Variants in PSMA5 observed in about 807,000 individuals in gnomAD.
PSMA5 encodes the protein proteasome subunit alpha type-5.
PSMA5 carries 3 observed loss-of-function variants against 34.5 expected under a neutral mutation model. The observed-to-expected ratio is 0.09, with a 90% CI of 0.04 to 0.22. The LOEUF (loss-of-function observed/expected upper bound fraction) is 0.22. PSMA5 is among the 10% of genes least tolerant of loss of function. PSMA5 has a pLI of 1.00. For missense variants in PSMA5, 120 were observed against 286.1 expected (o/e 0.42, Z 4.19); for synonymous variants, 88 against 95.8 (o/e 0.92, Z 0.47).
chr1:109,416,685 T>C (rs544085045), intron 2 of PSMA5, among the ~76,000 whole-genome samples: 2 of 152,364 alleles, frequency 1.3e-5, no homozygotes, highest in South Asian at 4.1e-4. Context: ...TTTTCAAATG[T>C]GTTGAGTTGT....
intron 2 of PSMA5, among the ~76,000 whole-genome samples, chr1:109,420,202 TA>T (rs1024605805): frequency 1.3e-5 from 2 of 152,014 alleles, no homozygotes; most frequent in African/African-American, 4.8e-5. Flanking sequence ...TTAGTTATAC[TA>T]ATGTAACTAT....
In PSMA5 at chr1:109,412,253, G is replaced by A. The variant is rs575529698; in HGVS notation, c.292-69C>T. ...TTAAAGCAGCCCACCATCTCACTAC[G>A]CACATCCCTTTAAACTGGGATTGAA... On this transcript the variant is annotated intron_variant, in intron 4 of 8. Coordinates refer to ENST00000271308, the MANE Select transcript of PSMA5 (RefSeq NM_002790.4). The A allele has an allele frequency of 3.8e-5, 48 of 1,268,496 alleles. 1 individual carries two copies. The South Asian group carries it at 3.8e-4, about 10-fold the overall frequency. 78.6% of individuals were successfully genotyped at this position (1,268,496 alleles called of 1,614,324 possible).
At chr1:109,421,697 G>C (rs1003106908) in intron 2 of PSMA5, among the ~76,000 whole-genome samples, 163 bp downstream of exon 2, 1 of 152,026 alleles carries the variant, frequency 6.6e-6, no homozygotes, top group African/African-American at 2.4e-5. Flanking sequence ...TAGATATTAG[G>C]AATAGGATTG....
rs1265806012 is a variant in PSMA5 at position 109,402,058 on chromosome 1, G to A, written c.681C>T (p.His227=). 1 of 1,612,932 alleles carries A rather than the reference G, an allele frequency of 6.2e-7. No individual in the cohort carries two copies. The highest frequency in any genetic ancestry group is 8.5e-7 in the Non-Finnish European group (1 of 1,179,454). The change falls in exon 9 of 9, where the codon CAC becomes CAT. Residue 227 remains histidine (H), a synonymous_variant. Coordinates refer to ENST00000271308, the MANE Select transcript of PSMA5 (RefSeq NM_002790.4). ...CTTCAAGTTCTTCCTTTGTGAACATGTGGAAATTCTGGCCAGGCTGCACTG... is the reference window on the plus strand; with the variant it reads ...CTTCAAGTTCTTCCTTTGTGAACATATGGAAATTCTGGCCAGGCTGCACTG... ...LATVQPGQNF[H]MFTKEELEEV...
At chr1:109,421,231 C>A (rs1179987969) in intron 2 of PSMA5, among the ~76,000 whole-genome samples, 4 of 152,034 alleles carry the variant, frequency 2.6e-5, no homozygotes, top group Admixed American at 2.6e-4. Context: ...CCTAAGGTGA[C>A]TTTACCAACA....
intron 2 of PSMA5, among the ~76,000 whole-genome samples, chr1:109,416,411 G>C (rs1352026512): frequency 6.6e-6 from 1 of 152,188 alleles, no homozygotes; most frequent in African/African-American, 2.4e-5. Flanking sequence ...CTCAAGCCAC[G>C]TTATCTCCTA....
intron 8 of PSMA5, among the ~76,000 whole-genome samples, chr1:109,402,516 C>CT (rs1653574150): frequency 6.6e-6 from 1 of 152,142 alleles, no homozygotes; most frequent in African/African-American, 2.4e-5. Flanking sequence ...CTCTGTGCCT[C>CT]TATTTCTTCA....
intron 8 of PSMA5, 113 bp from the exon 9 acceptor site, chr1:109,402,203 A>G: frequency 1.5e-6 from 1 of 680,052 alleles, no homozygotes; most frequent in South Asian, 2.1e-5. Context: ...GAACTAAGGG[A>G]TCTGCTGTCC....
At chr1:109,418,286 A>C (rs1654295189) in intron 2 of PSMA5, among the ~76,000 whole-genome samples, 1 of 152,092 alleles carries the variant, frequency 6.6e-6, no homozygotes, top group Admixed American at 6.6e-5. Context: ...CAGTTTGAAA[A>C]ACATAGCTCT....
At position 109,415,304 on chromosome 1, in the gene PSMA5, C is replaced by T. The variant is rs1045138691; in HGVS notation, c.156G>A (p.Lys52=). 6 of 1,613,968 alleles carry T rather than the reference C, an allele frequency of 3.7e-6. No homozygotes were observed. The African/African-American group carries it at 6.7e-5, about 18-fold the overall frequency. Residue 52 remains lysine, a synonymous_variant, in exon 3 of 9, where the codon AAG becomes AAA. Transcript: ENST00000271308. ...TSEGVCLAVE[K]RITSPLMEPS... ...GCTCCATCAGTGGGGAAGTAATTCT[C>T]TTCTCCACAGCTAGGCACACACCCT...
intron 5 of PSMA5, 39 bp downstream of exon 5, chr1:109,412,038 T>C (rs71656001): frequency 6.8e-5 from 108 of 1,595,682 alleles, no homozygotes; most frequent in East Asian, 2.0e-4. Flanking sequence ...CTAAGTCCCA[T>C]AGAACAATAA....
Position 109,399,969 on chromosome 1 carries a change from GCAATTA to G in PSMA5, c.*2038_*2043del, listed in dbSNP as rs1653436827. 6.6e-6 allele frequency: 1 copy of G among 152,194 alleles called. No homozygotes were observed. The highest frequency in any genetic ancestry group is 2.4e-5 in the African/African-American group (1 of 41,528). The allele number at this position is 152,194 out of a possible 1,614,324, so 9.4% of individuals were successfully genotyped here. On this transcript the variant is annotated 3_prime_UTR_variant, in exon 9 of 9. Coordinates refer to ENST00000271308, the MANE Select transcript of PSMA5 (RefSeq NM_002790.4). ...TTCTATAGCAGAAAGATAACATAAAGCAATTACACATCATGAAACCATTGCTGTTCG... is the reference window on the plus strand; with the variant it reads ...TTCTATAGCAGAAAGATAACATAAAGCACATCATGAAACCATTGCTGTTCG...
intron 2 of PSMA5, among the ~76,000 whole-genome samples, chr1:109,420,405 A>C (rs1307314440): frequency 3.3e-5 from 5 of 152,178 alleles, no homozygotes; most frequent in Admixed American, 1.3e-4. Flanking sequence ...TGTTATAGAG[A>C]TATGGAGGTA....
chr1:109,402,833 G>C (rs1380474884), intron 8 of PSMA5, among the ~76,000 whole-genome samples: 1 of 152,136 alleles, frequency 6.6e-6, no homozygotes, highest in African/African-American at 2.4e-5. Flanking sequence ...AGCCTCTCGA[G>C]TAGCTGGGAT....
chr1:109,415,199 G>C lies in PSMA5; in HGVS notation c.223+38C>G, dbSNP rs755247369. 3.1e-6 allele frequency: 5 copies of C among 1,599,772 alleles called. No homozygotes were observed. The South Asian group carries it at 4.5e-5, about 14-fold the overall frequency. On this transcript the variant is annotated intron_variant, in intron 3 of 8. Coordinates refer to ENST00000271308, the MANE Select transcript of PSMA5 (RefSeq NM_002790.4). The stretch of plus-strand genomic sequence containing the variant: ...ACATCATAGAGGACTAATTAACCCA[G>C]ACCAGATCCTACAGAACAGCTTTCC...
chr1:109,412,250 T>C lies in PSMA5; in HGVS notation c.292-66A>G. ...ACATTAAAGCAGCCCACCATCTCAC[T>C]ACGCACATCCCTTTAAACTGGGATT... On this transcript the variant is annotated intron_variant, in intron 4 of 8. Transcript: ENST00000271308. The C allele has an allele frequency of 2.3e-6, 3 of 1,288,666 alleles. No individual in the cohort carries two copies. The South Asian group carries it at 3.6e-5, about 15-fold the overall frequency. 79.8% of individuals were successfully genotyped at this position (1,288,666 alleles called of 1,614,324 possible).
At chr1:109,404,404 T>A (rs1392712077) in intron 8 of PSMA5, among the ~76,000 whole-genome samples, 1 of 152,108 alleles carries the variant, frequency 6.6e-6, no homozygotes, top group Non-Finnish European at 1.5e-5. Context: ...GACAGAGAAA[T>A]ATAAGAGCAA....
intron 8 of PSMA5, among the ~76,000 whole-genome samples, chr1:109,406,970 G>GT (rs1176839582): frequency 6.6e-6 from 1 of 152,172 alleles, no homozygotes. Flanking sequence ...AAAGAAAGAT[G>GT]TAAGATGTAA....
intron 2 of PSMA5, among the ~76,000 whole-genome samples, chr1:109,416,504 C>A: frequency 6.6e-6 from 1 of 152,222 alleles, no homozygotes; most frequent in East Asian, 1.9e-4. Context: ...TCAAAGCCTT[C>A]CATGACTATG....
Sources: allele counts gnomAD v4.1 joint callset (sites outside exome capture counted in the v4.1 genomes callset), GRCh38; gene constraint gnomAD v4.1.1; transcripts MANE v1.5; gene names NCBI Gene and HGNC (gene_info 2026-07-23, HGNC 2026-07-21).